Variants in AMY2A observed in about 807,000 individuals in gnomAD.
AMY2A encodes amylase alpha 2A.
Under a neutral mutation model 43.0 loss-of-function variants are expected in AMY2A, and 16 were observed. The ratio of observed to expected loss-of-function variants is 0.37; its 90% CI spans 0.25 to 0.56. The LOEUF is 0.56. AMY2A is among the 20% of genes least tolerant of loss of function. The probability of loss-of-function intolerance (pLI) is 0.77; values close to 1 mark genes in which losing one functional copy is unlikely to be tolerated. For missense variants in AMY2A, 212 were observed against 456.8 expected (o/e 0.46, Z 4.89); for synonymous variants, 70 against 144.6 (o/e 0.48, Z 3.70).
intron 2 of AMY2A, among the ~76,000 whole-genome samples, chr1:103,618,701 T>C (rs1283313044): frequency 6.6e-6 from 1 of 150,762 alleles, no homozygotes; most frequent in African/African-American, 2.4e-5. Context: ...ATCATTCCTA[T>C]AAATATTTGA....
At chr1:103,623,261 T>C (rs1456255437) in intron 7 of AMY2A, among the ~76,000 whole-genome samples, 1 of 132,364 alleles carries the variant, frequency 7.6e-6, no homozygotes, top group African/African-American at 2.9e-5. Flanking sequence ...ATCCTGGTGT[T>C]TCTAGTACTA....
chr1:103,619,922 T>C lies in AMY2A; in HGVS notation c.744+138T>C. On this transcript the variant is annotated intron_variant, in intron 4 of 9. Transcript: ENST00000414303. ...AACAGTGTTCTTTAACCTCCTCTTCTTCACATACAGCATATCTAATTCTTT... is the reference window on the plus strand; with the variant it reads ...AACAGTGTTCTTTAACCTCCTCTTCCTCACATACAGCATATCTAATTCTTT... 13 of 1,450,096 alleles carry C rather than the reference T, an allele frequency of 9.0e-6. 1 individual carries two copies. The South Asian group carries it at 1.1e-4, about 13-fold the overall frequency. 89.8% of individuals were successfully genotyped at this position (1,450,096 alleles called of 1,614,324 possible).
intron 2 of AMY2A, among the ~76,000 whole-genome samples, chr1:103,618,306 G>C (rs1256052991): frequency 6.6e-6 from 1 of 150,686 alleles, no homozygotes; most frequent in African/African-American, 2.4e-5. Flanking sequence ...GTAAGTTAAA[G>C]TTTAAATCAG....
chr1:103,619,047 T>A lies in AMY2A; in HGVS notation c.452T>A (p.Phe151Tyr). ...GCAGTCCCATATTCTGGATGGGATT[T>A]CAATGATGGTAAATGTAAAACTGGA... ...FPAVPYSGWD[F>Y]NDGKCKTGSG... The change falls in exon 3 of 10, where the codon TTC (phenylalanine) becomes TAC (tyrosine). Residue 151 changes from phenylalanine (F) to tyrosine (Y), a missense_variant. Coordinates refer to ENST00000414303, the MANE Select transcript of AMY2A (RefSeq NM_000699.4). 7.7e-7 allele frequency: 1 copy of A among 1,294,890 alleles called. No homozygotes were observed. The highest frequency in any genetic ancestry group is 1.0e-6 in the Non-Finnish European group (1 of 959,422). 80.2% of individuals were successfully genotyped at this position (1,294,890 alleles called of 1,614,324 possible). A position where few individuals can be genotyped will look rare whatever the true frequency, so the allele number is the denominator to read the frequency against.
chr1:103,616,686 C>T (rs983627365), upstream of AMY2A: 12 of 150,992 alleles, frequency 7.9e-5, no homozygotes, highest in African/African-American at 2.7e-4. Context: ...GAATGTGTTG[C>T]TGATTTTGAC....
Position 103,617,446 on chromosome 1 carries a change from G to T in AMY2A, c.6G>T (p.Lys2Asn). 5.6e-6 allele frequency: 9 copies of T among 1,599,732 alleles called. No homozygotes were observed. Among genetic ancestry groups the T allele is most frequent in the Non-Finnish European group, 7.7e-6 (9 of 1,169,868 alleles). The change falls in exon 1 of 10, where the codon AAG becomes AAT. Residue 2 changes from lysine to asparagine, a missense_variant. Lys to Asn is a moderately conservative substitution (Grantham distance 94). This residue lies in a region of AMY2A where 199 missense variants were observed against 210.6 expected (regional missense o/e 0.94). Transcript: ENST00000414303. ...ACTGACAACTTCAAAGCAAAATGAA[G>T]TTCTTTCTGTTGCTTTTCACCATTG... is the stretch of plus-strand genomic sequence containing the variant. M[K>N]FFLLLFTIGF...
intron 1 of AMY2A, among the ~76,000 whole-genome samples, 157 bp downstream of exon 1, chr1:103,617,765 A>C (rs1375301946): frequency 6.6e-6 from 1 of 150,656 alleles, no homozygotes; most frequent in African/African-American, 2.4e-5. Flanking sequence ...TATTCTTGGC[A>C]ACTTTATATT....
At chr1:103,623,520 T>C (rs1653243062) in intron 7 of AMY2A, among the ~76,000 whole-genome samples, 1 of 79,768 alleles carries the variant, frequency 1.3e-5, no homozygotes, top group Non-Finnish European at 2.4e-5. Context: ...GAGGCTGAGA[T>C]AGGAGGATCG....
chr1:103,617,189 G>A, upstream of AMY2A: 1 of 1,075,426 alleles, frequency 9.3e-7, no homozygotes. Context: ...ACAGGTCACT[G>A]TTTAAGGAAA....
Position 103,617,562 on chromosome 1 carries a change from T to C in AMY2A, c.122T>C (p.Leu41Pro). Residue 41 changes from leucine to proline, a missense_variant, in exon 1 of 10, where the codon CTT becomes CCT. This residue lies in a region of AMY2A where 199 missense variants were observed against 210.6 expected (regional missense o/e 0.94). Coordinates refer to ENST00000414303, the MANE Select transcript of AMY2A (RefSeq NM_000699.4). ...LFEWRWVDIA[L>P]ECERYLAPKG... Reference sequence around the variant, plus strand: ...GAATGGCGATGGGTTGATATTGCTCTTGAATGTGAGCGATATTTAGCTCCG... The same window carrying C: ...GAATGGCGATGGGTTGATATTGCTCCTGAATGTGAGCGATATTTAGCTCCG... 1 of 1,600,960 alleles carries C rather than the reference T, an allele frequency of 6.2e-7. No homozygotes were observed. The highest frequency in any genetic ancestry group is 2.2e-5 in the East Asian group (1 of 44,860).
chr1:103,617,065 A>T, upstream of AMY2A: 1 of 971,746 alleles, frequency 1.0e-6, no homozygotes, highest in Non-Finnish European at 1.3e-6. Context: ...TACCTGTAAA[A>T]GTATTCATCC....
At chr1:103,617,029 C>G (rs532715571), upstream of AMY2A, 403 of 1,037,636 alleles carry the variant, frequency 3.9e-4, 10 homozygotes, top group African/African-American at 6.5e-3. Flanking sequence ...TGTTACTTAC[C>G]TTGAGTTGGA....
chr1:103,619,225 T>C (rs566200482), intron 3 of AMY2A, 117 bp downstream of exon 3: 163 of 622,368 alleles, frequency 2.6e-4, no homozygotes, highest in African/African-American at 1.8e-3. Context: ...GGACAGAAGT[T>C]AACAAGTTTG....
chr1:103,616,995 G>T (rs1330920618), upstream of AMY2A: 22 of 1,037,424 alleles, frequency 2.1e-5, 2 homozygotes, highest in Non-Finnish European at 2.6e-5. Context: ...CTTAGCTTAC[G>T]TTATCTACCA....
intron 3 of AMY2A, among the ~76,000 whole-genome samples, 186 bp from the exon 4 acceptor site, chr1:103,619,368 C>G (rs937043569): frequency 6.6e-6 from 1 of 150,424 alleles, no homozygotes; most frequent in East Asian, 1.9e-4. Context: ...CCTAAATTCT[C>G]TATTTTCTAT....
At chr1:103,618,850 A>G in intron 2 of AMY2A, 61 bp from the exon 3 acceptor site, 3 of 616,824 alleles carry the variant, frequency 4.9e-6, no homozygotes, top group South Asian at 4.0e-5. Context: ...ACTTGCATCA[A>G]TAATGCTTTA....
rs780064707 is a variant in AMY2A at position 103,619,022 on chromosome 1, G to A, written c.427G>A (p.Ala143Thr). The change falls in exon 3 of 10, where the codon GCA (alanine) becomes ACA (threonine). Residue 143 changes from alanine (A) to threonine (T), a missense_variant. Physicochemically the swap from Ala to Thr is moderately conservative, Grantham distance 58. Coordinates refer to ENST00000414303, the MANE Select transcript of AMY2A (RefSeq NM_000699.4). ...CAACCCTGGAAGTAGGGACTTTCCA[G>A]CAGTCCCATATTCTGGATGGGATTT... ...YFNPGSRDFPAVPYSGWDFND... is the reference protein window; with the variant it reads ...YFNPGSRDFPTVPYSGWDFND... 5.0e-5 allele frequency: 66 copies of A among 1,319,270 alleles called. No homozygotes were observed. The Admixed American group carries it at 6.3e-4, about 13-fold the overall frequency. The allele number at this position is 1,319,270 out of a possible 1,614,324, so 81.7% of individuals were successfully genotyped here.
At chr1:103,616,994 C>G (rs1408327458), upstream of AMY2A, 1 of 1,036,298 alleles carries the variant, frequency 9.6e-7, no homozygotes, top group Non-Finnish European at 1.2e-6. Flanking sequence ...TCTTAGCTTA[C>G]GTTATCTACC....
intron 4 of AMY2A, among the ~76,000 whole-genome samples, chr1:103,620,080 T>C (rs1227164089): frequency 1.4e-5 from 2 of 147,172 alleles, no homozygotes; most frequent in African/African-American, 4.9e-5. Flanking sequence ...TTTATTAGTG[T>C]GAGCTCTTAT....
Sources: gnomAD v4.1 joint callset for allele counts (sites outside exome capture counted in the v4.1 genomes callset) on GRCh38, gnomAD v4.1.1 for gene constraint, gnomAD v4.1.1 regional missense constraint, MANE v1.5 for transcripts, NCBI Gene and HGNC (gene_info 2026-07-23, HGNC 2026-07-21) for gene names.